The following IGF2R variants were observed in gnomAD, a reference collection of about 807,000 sequenced individuals.
IGF2R encodes the protein cation-independent mannose-6-phosphate receptor.
In IGF2R, 91 loss-of-function variants were observed where a neutral mutation model predicts 270.6. The ratio of observed to expected loss-of-function variants is 0.34; its 90% CI spans 0.28 to 0.40. IGF2R has a LOEUF of 0.40. Ranked by LOEUF, IGF2R falls within the 10% of genes least tolerant of loss-of-function variation. The pLI, the probability that IGF2R is intolerant of heterozygous loss-of-function variation, is 1.00. For missense variants in IGF2R, 2,805 were observed against 3,188.3 expected, an observed-to-expected ratio of 0.88 and a Z score of 2.90; for synonymous variants, 1,316 against 1,258.9, an observed-to-expected ratio of 1.05 and a Z score of -0.96.
chr6:160,103,689 G>T (rs1583309503), intron 46 of IGF2R, 57 bp from the exon 47 acceptor site: 2 of 1,291,724 alleles, frequency 1.5e-6, no homozygotes, highest in East Asian at 2.3e-5. Context: ...CGGGGGTGGG[G>T]CTCCTGCCCA....
intron 26 of IGF2R, 87 bp downstream of exon 26, chr6:160,062,706 A>G (rs1280669377): frequency 6.7e-6 from 6 of 897,144 alleles, no homozygotes; most frequent in East Asian, 5.3e-5. Context: ...AGACCGTGTG[A>G]TAACAGCCAT....
At chr6:160,060,747 G>A in intron 23 of IGF2R, 30 bp downstream of exon 23, 1 of 1,611,816 alleles carries the variant, frequency 6.2e-7, no homozygotes, top group Non-Finnish European at 8.5e-7. Context: ...GAACTGAGAG[G>A]CCGGTCAAGA....
intron 11 of IGF2R, among the ~76,000 whole-genome samples, chr6:160,041,899 T>C (rs992496620): frequency 6.6e-6 from 1 of 152,150 alleles, no homozygotes; most frequent in Non-Finnish European, 1.5e-5. Flanking sequence ...TGAGGACTGG[T>C]GTTGCCGCAT....
At chr6:160,011,873 T>G (rs1290361637) in intron 4 of IGF2R, among the ~76,000 whole-genome samples, 1 of 152,208 alleles carries the variant, frequency 6.6e-6, no homozygotes, top group Non-Finnish European at 1.5e-5. Context: ...CACTTTTCTC[T>G]CCTACTTTCT....
In IGF2R at chr6:160,106,262, T is replaced by TGGCGC. The variant is rs1779618185; in HGVS notation, c.*1180_*1181insCGCGG. ...GGAGGGAGGCCGGGCGGTCACAGCATGGAGGAGGAGGGAGGCGCTGCTGGT... is the reference window on the plus strand; with the variant it reads ...GGAGGGAGGCCGGGCGGTCACAGCATGGCGCGGAGGAGGAGGGAGGCGCTGCTGGT... On this transcript the variant is annotated 3_prime_UTR_variant, in exon 48 of 48. Transcript: ENST00000356956. 1 of 152,454 alleles carries TGGCGC rather than the reference T, an allele frequency of 6.6e-6. No homozygotes were observed. The highest frequency in any genetic ancestry group is 2.4e-5 in the African/African-American group (1 of 41,212). The allele number at this position is 152,454 out of a possible 1,614,324, so 9.4% of individuals were successfully genotyped here. A position where few individuals can be genotyped will look rare whatever the true frequency, so the allele number is the denominator to read the frequency against.
intron 31 of IGF2R, among the ~76,000 whole-genome samples, chr6:160,071,253 GCC>G (rs1345571387): frequency 7.6e-6 from 1 of 131,490 alleles, no homozygotes. Context: ...AGGCCCCTGT[GCC>G]CAGGGCCCAG....
Position 159,981,480 on chromosome 6 carries a change from C to G in IGF2R, c.150-9704C>G, listed in dbSNP as rs368573068. Among the ~76,000 whole-genome samples the G allele has an allele frequency of 2.4e-4, 36 of 152,252 alleles. 1 individual carries two copies. Among genetic ancestry groups the G allele is most frequent in the African/African-American group, 8.4e-4 (35 of 41,518 alleles). On this transcript the variant is annotated intron_variant, in intron 1 of 47. Transcript: ENST00000356956. ...ATGTGACACTCCTTTCAGAGGGCAC[C>G]CCCCGCCCCCAGCCAACTCACCTTT...
In IGF2R at chr6:160,105,157, C is replaced by A; in HGVS notation, c.*73C>A. 1 of 1,271,538 alleles carries A rather than the reference C, an allele frequency of 7.9e-7. No homozygotes were observed. Among genetic ancestry groups the A allele is most frequent in the South Asian group, 1.6e-5 (1 of 63,192 alleles). The allele number at this position is 1,271,538 out of a possible 1,614,324, so 78.8% of individuals were successfully genotyped here. On this transcript the variant is annotated 3_prime_UTR_variant, in exon 48 of 48. Coordinates refer to ENST00000356956, the MANE Select transcript of IGF2R (RefSeq NM_000876.4). ...CCTCCAACCAAATAAGACTTCCACT[C>A]GATGATGCTTCTATAATTTTGCCTT...
chr6:160,074,082 A>G (rs1778805625), intron 35 of IGF2R, 107 bp downstream of exon 35: 1 of 762,410 alleles, frequency 1.3e-6, no homozygotes, highest in Admixed American at 2.4e-5. Context: ...CATAAAAAAA[A>G]TGGAGAAAGT....
intron 2 of IGF2R, among the ~76,000 whole-genome samples, chr6:159,994,623 G>A (rs1784025573): frequency 6.6e-6 from 1 of 151,730 alleles, no homozygotes; most frequent in Non-Finnish European, 1.5e-5. Flanking sequence ...GTATCCCAGA[G>A]GTTTTGGTCC....
chr6:160,073,731 T>C, intron 34 of IGF2R, 26 bp from the exon 35 acceptor site: 2 of 1,595,860 alleles, frequency 1.3e-6, no homozygotes, highest in African/African-American at 1.3e-5. Context: ...TTTTGTAGAC[T>C]CAAAGCAGTC....
At chr6:160,072,682 CTG>C (rs1778768749) in intron 32 of IGF2R, 81 bp from the exon 33 acceptor site, 17 of 1,490,100 alleles carry the variant, frequency 1.1e-5, no homozygotes, top group Non-Finnish European at 1.2e-5. Flanking sequence ...CTGACATAAT[CTG>C]TGTGTGAGCT....
intron 17 of IGF2R, 30 bp downstream of exon 17, chr6:160,047,937 G>A: frequency 1.4e-6 from 2 of 1,396,718 alleles, no homozygotes; most frequent in Non-Finnish European, 2.0e-6. Flanking sequence ...TCTGTTTTTG[G>A]CCTGGTACAG....
Position 160,047,315 on chromosome 6 carries a change from A to G in IGF2R, c.2208A>G (p.Gly736=), listed in dbSNP as rs2115248398. The change falls in exon 16 of 48, where the codon GGA becomes GGG. Residue 736 remains glycine, a synonymous_variant. Coordinates refer to ENST00000356956, the MANE Select transcript of IGF2R (RefSeq NM_000876.4). ...CCTTTCTCTGTGATCGAGACGCGGG[A>G]GTGGGCTTCCCTGAATATCAGGTAG... ...LITFLCDRDA[G]VGFPEYQEED... is the part of the protein sequence containing the mutation. 6.2e-7 allele frequency: 1 copy of G among 1,600,104 alleles called. No individual in the cohort carries two copies. Among genetic ancestry groups the G allele is most frequent in the East Asian group, 2.2e-5 (1 of 44,698 alleles).
chr6:160,006,121 G>C (rs898292220), intron 2 of IGF2R: 2 of 139,730 alleles, frequency 1.4e-5, no homozygotes, highest in Admixed American at 1.5e-4. Flanking sequence ...TGCATGCCCC[G>C]TGTGCCTGCT....
At chr6:160,015,826 G>A (rs1191979189) in intron 4 of IGF2R, among the ~76,000 whole-genome samples, 1 of 152,218 alleles carries the variant, frequency 6.6e-6, no homozygotes, top group Non-Finnish European at 1.5e-5. Context: ...CCTTGGTGCT[G>A]TCCTCATGAC....
chr6:160,029,189 C>T (rs763801473), intron 6 of IGF2R, among the ~76,000 whole-genome samples: 1 of 152,120 alleles, frequency 6.6e-6, no homozygotes, highest in Non-Finnish European at 1.5e-5. Flanking sequence ...CTGTGTTGGC[C>T]AGGGTAGTCT....
At position 160,092,579 on chromosome 6, in the gene IGF2R, A is replaced by T. The variant is rs1483823165; in HGVS notation, c.6655+2476A>T. 2.0e-5 allele frequency among the ~76,000 whole-genome samples: 3 copies of T among 152,264 alleles called. No individual in the cohort carries two copies. In the East Asian group the frequency reaches 5.8e-4, roughly 29 times the overall value. ...ACATCTTTTCATCTTTCATGAAGAA[A>T]TGAAGTTTCTATCTCTTCCTGAGGC... On this transcript the variant is annotated intron_variant, in intron 44 of 47. Coordinates refer to ENST00000356956, the MANE Select transcript of IGF2R (RefSeq NM_000876.4).
chr6:160,076,019 C>G (rs1220220277), intron 36 of IGF2R, 23 bp downstream of exon 36: 1 of 1,610,200 alleles, frequency 6.2e-7, no homozygotes, highest in Non-Finnish European at 8.5e-7. Context: ...CTGTGACGAT[C>G]TAGATGCTCA....
Sources: allele counts gnomAD v4.1 joint callset (sites outside exome capture counted in the v4.1 genomes callset), GRCh38; gene constraint gnomAD v4.1.1; transcripts MANE v1.5; gene names NCBI Gene and HGNC (gene_info 2026-07-23, HGNC 2026-07-21).